Variants in NLRC4 observed in about 807,000 individuals in gnomAD.
NLRC4 encodes NLR family CARD domain containing 4.
In NLRC4, 63 loss-of-function variants were observed where a neutral mutation model predicts 79.9. The observed-to-expected ratio is 0.79, with a 90% CI of 0.64 to 0.97. NLRC4 has a LOEUF of 0.97. Among genes scored for constraint, NLRC4 ranks in the 50% least tolerant of loss-of-function variants. The pLI is 0.00. For synonymous variants in NLRC4, 461 were observed against 456.5 expected, an observed-to-expected ratio of 1.01 and a Z score of -0.12; for missense variants, 1,074 against 1,215.2, an observed-to-expected ratio of 0.88 and a Z score of 1.73.
At chr2:32,258,071 G>A (rs1687250091) in intron 1 of NLRC4, among the ~76,000 whole-genome samples, 1 of 152,134 alleles carries the variant, frequency 6.6e-6, no homozygotes, top group African/African-American at 2.4e-5. Flanking sequence ...ATGAGCGCAA[G>A]GTTTCATTGA....
chr2:32,251,664 C>G (rs948650204), intron 3 of NLRC4, 63 bp from the exon 4 acceptor site: 2 of 1,139,246 alleles, frequency 1.8e-6, no homozygotes, highest in Non-Finnish European at 2.5e-6. Flanking sequence ...ACCTAGAGTT[C>G]AGGAGGATGA....
intron 4 of NLRC4, among the ~76,000 whole-genome samples, chr2:32,247,402 C>T (rs539069638): frequency 2.7e-5 from 4 of 150,728 alleles, no homozygotes; most frequent in African/African-American, 9.7e-5. Flanking sequence ...GCAACCTCCA[C>T]CTCCCAGGTT....
Position 32,224,510 on chromosome 2 carries a change from C to T in NLRC4, c.3038G>A (p.Ser1013Asn). ...VGWQFDDDDL[S>N]VITGAFKLVT... ...TAGTTTAAAAGCACCTGTAATAACA[C>T]TGAGATCATCATCATCAAATTGCCA... Residue 1013 changes from serine (S) to asparagine (N), a missense_variant, in exon 9 of 9, where the codon AGT becomes AAT. By Grantham distance (46) the Ser-to-Asn change is conservative (BLOSUM62 1). Transcript: ENST00000402280. 1 of 1,613,034 alleles carries T rather than the reference C, an allele frequency of 6.2e-7. No homozygotes were observed. Among genetic ancestry groups the T allele is most frequent in the Non-Finnish European group, 8.5e-7 (1 of 1,179,578 alleles).
In NLRC4 at chr2:32,227,919, C is replaced by A. The variant is rs1437138434; in HGVS notation, c.2783-3154G>T. Among the ~76,000 whole-genome samples, 3 of 152,238 alleles carry A rather than the reference C, an allele frequency of 2.0e-5. No individual in the cohort carries two copies. The East Asian group carries it at 5.8e-4, about 29-fold the overall frequency. ...GCTTGATTGGAATTCCAGGAAAAAT[C>A]TCAGATGCCCTGGGTAGAAGGGTTC... On this transcript the variant is annotated intron_variant, in intron 8 of 8. Transcript: ENST00000402280.
chr2:32,247,644 A>T (rs1686968308), intron 4 of NLRC4, among the ~76,000 whole-genome samples: 1 of 151,934 alleles, frequency 6.6e-6, no homozygotes, highest in South Asian at 2.1e-4. Flanking sequence ...ATATATTTAA[A>T]CACATACATA....
rs199998217 is a variant in NLRC4, at chr2:32,224,810, T to TAA, written c.2783-47_2783-46dup. 8.4e-3 allele frequency: 8,090 copies of TAA among 964,324 alleles called. 2 individuals carry two copies. The highest frequency in any genetic ancestry group is 9.0e-3 in the Non-Finnish European group (6,077 of 672,176). The allele number at this position is 964,324 out of a possible 1,614,324, so 59.7% of individuals were successfully genotyped here. A position where few individuals can be genotyped will look rare whatever the true frequency, so the allele number is the denominator to read the frequency against. On this transcript the variant is annotated intron_variant, in intron 8 of 8. Coordinates refer to ENST00000402280, the MANE Select transcript of NLRC4 (RefSeq NM_001199138.2). ...TATTAGTTGGAAGAAAAATTTTTTT[T>TAA]AAAAAAAAAGAGAAATAGGTTCTAC... is the stretch of plus-strand genomic sequence containing the variant.
Position 32,250,550 on chromosome 2 carries a change from C to G in NLRC4, c.1314G>C (p.Lys438Asn). 5 of 1,614,206 alleles carry G rather than the reference C, an allele frequency of 3.1e-6. No homozygotes were observed. Among genetic ancestry groups the G allele is most frequent in the Non-Finnish European group, 4.2e-6 (5 of 1,180,040 alleles). The change falls in exon 4 of 9, where the codon AAG becomes AAC. Residue 438 changes from lysine (K) to asparagine (N), a missense_variant. Physicochemically the swap from Lys to Asn is moderately conservative, Grantham distance 94 (BLOSUM62 0). Transcript: ENST00000402280. This position sits in a 1 kb window ranked among gnomAD's most constrained non-coding sequence, Gnocchi z 4.9. ...CKYTAQRFKPKYKFFHKSFQE... is the reference protein window; with the variant it reads ...CKYTAQRFKPNYKFFHKSFQE... ...GGAATGACTTGTGAAAGAATTTATA[C>G]TTTGGCTTGAACCTTTGAGCTGTAT...
intron 2 of NLRC4, among the ~76,000 whole-genome samples, chr2:32,255,581 A>T (rs1687189906): frequency 6.6e-6 from 1 of 151,722 alleles, no homozygotes; most frequent in African/African-American, 2.4e-5. Flanking sequence ...CCACACACAC[A>T]CAAGTTCACA....
chr2:32,229,822 T>C (rs148571755), intron 8 of NLRC4, among the ~76,000 whole-genome samples: 26 of 152,308 alleles, frequency 1.7e-4, no homozygotes, highest in Middle Eastern at 3.4e-3. Flanking sequence ...AAAGTGTCTA[T>C]TGAAATTCAG....
chr2:32,260,054 C>T (rs1687303892), intron 1 of NLRC4, among the ~76,000 whole-genome samples: 1 of 151,798 alleles, frequency 6.6e-6, no homozygotes, highest in Admixed American at 6.6e-5. Context: ...CATGGCGAAA[C>T]CCTGTCTCTA....
intron 8 of NLRC4, among the ~76,000 whole-genome samples, chr2:32,233,112 A>T (rs1423108104): frequency 7.8e-6 from 1 of 128,638 alleles, no homozygotes; most frequent in African/African-American, 2.9e-5. Flanking sequence ...TGTCTCAAAG[A>T]GAAAGAGAGG....
chr2:32,247,315 ATTT>A (rs766365241), intron 4 of NLRC4, among the ~76,000 whole-genome samples: 3 of 138,218 alleles, frequency 2.2e-5, no homozygotes, highest in Admixed American at 7.3e-5. Flanking sequence ...ATTTTTTTTA[ATTT>A]TTTTTTTTTT....
At chr2:32,254,105 C>T (rs1217390820) in intron 2 of NLRC4, among the ~76,000 whole-genome samples, 1 of 151,892 alleles carries the variant, frequency 6.6e-6, no homozygotes, top group African/African-American at 2.4e-5. Context: ...TTCAAGCTAA[C>T]AGCGTATGTT....
intron 6 of NLRC4, 79 bp downstream of exon 6, chr2:32,238,052 GA>G (rs912954088): frequency 1.1e-5 from 10 of 950,848 alleles, no homozygotes; most frequent in Admixed American, 3.0e-5. Context: ...TTCCATTTGA[GA>G]CATTTAGTGT....
intron 8 of NLRC4, among the ~76,000 whole-genome samples, chr2:32,230,920 A>G (rs13417177): frequency 5.5e-4 from 84 of 152,084 alleles, no homozygotes; most frequent in African/African-American, 2.0e-3. Context: ...CTTGCCAACA[A>G]CACTTGTTAT....
chr2:32,243,058 A>AAG (rs140068281), intron 4 of NLRC4, among the ~76,000 whole-genome samples: 22 of 149,518 alleles, frequency 1.5e-4, no homozygotes, highest in Non-Finnish European at 2.2e-4. Context: ...TAATGAAAGA[A>AAG]AGAGAGAGAG....
At chr2:32,254,165 A>T (rs1008898794) in intron 2 of NLRC4, among the ~76,000 whole-genome samples, 2 of 151,978 alleles carry the variant, frequency 1.3e-5, no homozygotes, top group African/African-American at 2.4e-5. Context: ...TTCACATCAC[A>T]GTAACAACCA....
In NLRC4 at chr2:32,259,262, A is replaced by ATTTTTTTTT. The variant is rs57570626; in HGVS notation, c.-118-2378_-118-2370dup. The stretch of plus-strand genomic sequence containing the variant: ...AGGTGTGTGCCACCATGCCTGGCTA[A>ATTTTTTTTT]TTTTTTTTTTTTTTTTTTTTTTTTT... On this transcript the variant is annotated intron_variant, in intron 1 of 8. Coordinates refer to ENST00000402280, the MANE Select transcript of NLRC4 (RefSeq NM_001199138.2). 1.0e-3 allele frequency among the ~76,000 whole-genome samples: 55 copies of ATTTTTTTTT among 52,894 alleles called. 7 individuals are homozygous for ATTTTTTTTT. The highest frequency in any genetic ancestry group is 3.6e-3 in the African/African-American group (39 of 10,698). 34.7% of individuals were successfully genotyped at this position (52,894 alleles called of 152,430 possible). A position where few individuals can be genotyped will look rare whatever the true frequency, so the allele number is the denominator to read the frequency against.
rs1257781417 is a variant in NLRC4 at position 32,233,320 on chromosome 2, A to AATATAT, written c.2782+2075_2782+2080dup. On this transcript the variant is annotated intron_variant, in intron 8 of 8. Coordinates refer to ENST00000402280, the MANE Select transcript of NLRC4 (RefSeq NM_001199138.2). ...TTTTCATTTGTCTTAAGAAATTTTA[A>AATATAT]ATATATATATATATATATATATATA... Among the ~76,000 whole-genome samples the AATATAT allele has an allele frequency of 1.4e-3, 97 of 67,212 alleles. 2 individuals carry two copies. Among genetic ancestry groups the AATATAT allele is most frequent in the African/African-American group, 1.6e-3 (23 of 14,690 alleles). 44.1% of individuals were successfully genotyped at this position (67,212 alleles called of 152,430 possible).
Sources: allele counts gnomAD v4.1 joint callset (sites outside exome capture counted in the v4.1 genomes callset), GRCh38; gene constraint gnomAD v4.1.1; non-coding constraint Gnocchi (gnomAD v3.1); transcripts MANE v1.5; gene names NCBI Gene and HGNC (gene_info 2026-07-23, HGNC 2026-07-21).